The following DPRX variants were observed in gnomAD, a reference collection of about 807,000 sequenced individuals.
DPRX encodes divergent paired-related homeobox.
A neutral mutation model predicts 8.4 loss-of-function variants in DPRX; 11 were observed. The ratio of observed to expected loss-of-function variants is 1.31; its 90% CI spans 0.82 to 2.17. The LOEUF (loss-of-function observed/expected upper bound fraction) is 2.17. DPRX is among the 30% of genes most tolerant of loss of function. The probability of loss-of-function intolerance (pLI) is 0.00; values close to 1 mark genes in which losing one functional copy is unlikely to be tolerated. For missense variants in DPRX, 211 were observed against 236.7 expected (o/e 0.89, Z 0.71); for synonymous variants, 72 against 87.0 (o/e 0.83, Z 0.96).
At chr19:53,631,494 TTAGA>T (rs1459320189), upstream of DPRX, among the ~76,000 whole-genome samples, 1 of 152,034 alleles carries the variant, frequency 6.6e-6, no homozygotes, top group East Asian at 1.9e-4. Flanking sequence ...TGGGTGCTTG[TTAGA>T]TATGGAAATC....
At chr19:53,624,936 G>A in the DPRX span, among the ~76,000 whole-genome samples, 1 of 151,824 alleles carries the variant, frequency 6.6e-6, no homozygotes, top group Admixed American at 6.6e-5. Context: ...ACAGAAACAG[G>A]AAGCACAAAT....
chr19:53,617,858 A>C, the DPRX span, among the ~76,000 whole-genome samples: 44 of 152,088 alleles, frequency 2.9e-4, no homozygotes, highest in Admixed American at 1.7e-3. Context: ...AGAAAATACA[A>C]GCCAGGCGCG....
At chr19:53,636,440 AAAAAAAG>A (rs1372104868) in intron 2 of DPRX, among the ~76,000 whole-genome samples, 149 bp from the exon 3 acceptor site, 1 of 130,696 alleles carries the variant, frequency 7.7e-6, no homozygotes, top group Non-Finnish European at 1.7e-5. Flanking sequence ...AAAAAAGGAA[AAAAAAAG>A]AAAAGTTAAA....
intron 2 of DPRX, 61 bp downstream of exon 2, chr19:53,634,746 C>A (rs1433889576): frequency 3.2e-6 from 5 of 1,566,478 alleles, no homozygotes; most frequent in Non-Finnish European, 4.3e-6. Flanking sequence ...AATTCAGAGT[C>A]CCTCTAGGAT....
upstream of DPRX, among the ~76,000 whole-genome samples, chr19:53,629,468 C>G (rs2091083221): frequency 2.0e-5 from 3 of 150,666 alleles, no homozygotes; most frequent in African/African-American, 7.3e-5. Context: ...AGCTGGTCTC[C>G]TGGGCTCAAG....
intron 1 of DPRX, among the ~76,000 whole-genome samples, chr19:53,633,634 C>T (rs1343513741): frequency 6.6e-6 from 1 of 152,060 alleles, no homozygotes; most frequent in Non-Finnish European, 1.5e-5. Context: ...CTCAGCCTCC[C>T]GAGTAGCTGG....
exon 2 of DPRX, chr19:53,634,543 T>C: frequency 6.2e-7 from 1 of 1,613,182 alleles, no homozygotes; most frequent in Middle Eastern, 1.7e-4. Flanking sequence ...AAGGACCAGA[T>C]GCATTCACAC....
At chr19:53,636,929 G>C in exon 3 of DPRX, 5 of 1,613,134 alleles carry the variant, frequency 3.1e-6, no homozygotes, top group Non-Finnish European at 4.2e-6. Flanking sequence ...CCAAGTTTGC[G>C]CTCCAAGCTT....
the DPRX span, among the ~76,000 whole-genome samples, chr19:53,620,567 G>T: frequency 4.0e-5 from 6 of 151,788 alleles, no homozygotes; most frequent in African/African-American, 1.5e-4. Flanking sequence ...GTTTCACCAT[G>T]TTGGTCAGGC....
At chr19:53,602,159 G>A in the DPRX span, 1 of 456,268 alleles carries the variant, frequency 2.2e-6, no homozygotes, top group Non-Finnish European at 4.4e-6. Context: ...TGGACAGCAG[G>A]ACAACTGGAA....
the DPRX span, among the ~76,000 whole-genome samples, chr19:53,605,598 G>A: frequency 1.3e-5 from 2 of 151,830 alleles, no homozygotes; most frequent in East Asian, 3.9e-4. Flanking sequence ...CAAAGTACGG[G>A]GGTTACAGGC....
At chr19:53,636,565 C>T (rs765554156) in intron 2 of DPRX, 31 bp from the exon 3 acceptor site, 5 of 1,426,388 alleles carry the variant, frequency 3.5e-6, no homozygotes, top group East Asian at 2.4e-5. Context: ...ATCTGAATTC[C>T]ACCCCATTCT....
At chr19:53,630,874 C>G (rs561485879), upstream of DPRX, among the ~76,000 whole-genome samples, 2 of 151,654 alleles carry the variant, frequency 1.3e-5, no homozygotes, top group Admixed American at 1.3e-4. Context: ...GAGATGGAGT[C>G]TCACTCCTGT....
chr19:53,620,655 C>T, the DPRX span, among the ~76,000 whole-genome samples: 1 of 151,092 alleles, frequency 6.6e-6, no homozygotes, highest in South Asian at 2.1e-4. Context: ...GTGAGCCACC[C>T]CGCCCGGGGC....
At chr19:53,636,856 A>T in exon 3 of DPRX, 1 of 1,614,094 alleles carries the variant, frequency 6.2e-7, no homozygotes, top group Non-Finnish European at 8.5e-7. Flanking sequence ...TTGGCCACAG[A>T]ATAGTCCATT....
chr19:53,630,251 G>T (rs1238999621), upstream of DPRX, among the ~76,000 whole-genome samples: 1 of 150,852 alleles, frequency 6.6e-6, no homozygotes, highest in Non-Finnish European at 1.5e-5. Context: ...ATCAGTAGTG[G>T]AATCAGCTTG....
Position 53,636,539 on chromosome 19 carries a change from A to G in DPRX, c.184-57A>G, listed in dbSNP as rs1482014750. On this transcript the variant is annotated intron_variant, in intron 2 of 2. Transcript: ENST00000376650. ...AATTAAAAAGTAAAAATTTTTTAAA[A>G]ATAGAATGACAAGTCATCTGAATTC... is the stretch of plus-strand genomic sequence containing the variant. 7 of 1,332,196 alleles carry G rather than the reference A, an allele frequency of 5.3e-6. No homozygotes were observed. The East Asian group carries it at 1.8e-4, about 35-fold the overall frequency. The allele number at this position is 1,332,196 out of a possible 1,614,324, so 82.5% of individuals were successfully genotyped here.
chr19:53,609,491 A>C, the DPRX span, among the ~76,000 whole-genome samples: 11 of 135,214 alleles, frequency 8.1e-5, no homozygotes, highest in African/African-American at 3.1e-4. Flanking sequence ...AAAAAAAAAA[A>C]AAAAAACAAC....
chr19:53,637,009 T>C, exon 3 of DPRX: 1 of 1,575,174 alleles, frequency 6.3e-7, no homozygotes, highest in Non-Finnish European at 8.6e-7. Flanking sequence ...AAGTCACATG[T>C]TGTAATGATG....
Sources: gnomAD v4.1 joint callset for allele counts (sites outside exome capture counted in the v4.1 genomes callset) on GRCh38, gnomAD v4.1.1 for gene constraint, MANE v1.5 for transcripts, NCBI Gene and HGNC (gene_info 2026-07-23, HGNC 2026-07-21) for gene names.